The following ARID1A variants were observed in gnomAD, a reference collection of about 807,000 sequenced individuals.
ARID1A encodes AT-rich interaction domain 1A, also known as AT-rich interactive domain-containing protein 1A.
Under a neutral mutation model 212.6 loss-of-function variants are expected in ARID1A, and 20 were observed. The ratio of observed to expected loss-of-function variants is 0.09; its 90% CI spans 0.07 to 0.14. ARID1A has a LOEUF of 0.14. Ranked by LOEUF, ARID1A falls within the 10% of genes least tolerant of loss-of-function variation. The pLI is 1.00. For synonymous variants in ARID1A, 1,376 were observed against 1,222.1 expected (o/e 1.13, Z -2.63); for missense variants, 2,587 against 3,059.0 (o/e 0.85, Z 3.64).
chr1:26,698,059 T>C (rs2080295810), intron 1 of ARID1A, among the ~76,000 whole-genome samples: 1 of 152,192 alleles, frequency 6.6e-6, no homozygotes, highest in Non-Finnish European at 1.5e-5. Flanking sequence ...TGGGAGCTGC[T>C]AGAGGCCGGC....
chr1:26,735,182 A>T (rs1398260372), intron 4 of ARID1A, among the ~76,000 whole-genome samples: 5 of 150,820 alleles, frequency 3.3e-5, no homozygotes, highest in African/African-American at 1.2e-4. Flanking sequence ...CTGGAGTGCA[A>T]TGGCACGATC....
intron 8 of ARID1A, chr1:26,765,448 AC>A (rs2081030350): frequency 6.6e-6 from 1 of 151,958 alleles, no homozygotes. Flanking sequence ...AGATCGCGCC[AC>A]TGCTCTCCAG....
chr1:26,777,351 G>C (rs1441383027), intron 19 of ARID1A, among the ~76,000 whole-genome samples: 4 of 151,906 alleles, frequency 2.6e-5, no homozygotes, highest in Non-Finnish European at 4.4e-5. Flanking sequence ...TTCCCAAGTG[G>C]CTGGGACTAC....
At chr1:26,739,989 TAA>T (rs576941187) in intron 4 of ARID1A, among the ~76,000 whole-genome samples, 6 of 127,428 alleles carry the variant, frequency 4.7e-5, no homozygotes, top group Non-Finnish European at 5.1e-5. Context: ...GTGATCATCT[TAA>T]AAAAAAAAAA....
intron 6 of ARID1A, among the ~76,000 whole-genome samples, chr1:26,761,811 G>A (rs1478445343): frequency 6.6e-6 from 1 of 152,296 alleles, no homozygotes; most frequent in East Asian, 1.9e-4. Flanking sequence ...ACTTGTCTGT[G>A]TTTTGATGGT....
rs781033223 is a variant in ARID1A at position 26,780,355 on chromosome 1, C to A, written c.6457C>A (p.Arg2153Ser). Reference protein sequence around the residue: ...RLEKLYSTMVRFLSDRKNPVC... With the variant: ...RLEKLYSTMVSFLSDRKNPVC... ...GGAGAAGTTGTATAGCACTATGGTG[C>A]GCTTCCTCAGTGACCGAAAGAACCC... Residue 2153 changes from arginine to serine, a missense_variant, in exon 20 of 20, where the codon CGC becomes AGC. Arg to Ser is a moderately radical substitution (Grantham distance 110). Around this residue, in one of 11 missense-constraint regions of ARID1A, gnomAD observed 168 missense variants for 321.0 expected, o/e 0.52. Transcript: ENST00000324856. This position sits in a 1 kb window ranked among gnomAD's most constrained non-coding sequence, Gnocchi z 7.2. The A allele has an allele frequency of 8.1e-6, 13 of 1,614,240 alleles. No individual in the cohort carries two copies. In the East Asian group the frequency reaches 2.9e-4, roughly 36 times the overall value.
In ARID1A at chr1:26,780,830, AT is replaced by A; in HGVS notation, c.*77del. 2.7e-6 allele frequency: 4 copies of A among 1,494,416 alleles called. No homozygotes were observed. The highest frequency in any genetic ancestry group is 3.6e-6 in the Non-Finnish European group (4 of 1,122,858). 92.6% of individuals were successfully genotyped at this position (1,494,416 alleles called of 1,614,324 possible). On this transcript the variant is annotated 3_prime_UTR_variant, in exon 20 of 20. Transcript: ENST00000324856. The surrounding 1 kb of genome is among the most constrained non-coding windows in gnomAD (Gnocchi z 7.2). ...ACTTAGAAACTGACTGTTGCCCTTT[AT>A]TTATGCAAAACCACCTCAGAATCCA...
In ARID1A at chr1:26,696,370, G is replaced by A. The variant is rs2080252227; in HGVS notation, c.-34G>A. ...GAGGGGGGGAGAAGACGAAGACAGG[G>A]CCGGGTCTCTCCGCGGACGAGACAG... On this transcript the variant is annotated 5_prime_UTR_variant, in exon 1 of 20. Coordinates refer to ENST00000324856, the MANE Select transcript of ARID1A (RefSeq NM_006015.6). 3.2e-6 allele frequency: 4 copies of A among 1,236,834 alleles called. No homozygotes were observed. The highest frequency in any genetic ancestry group is 4.0e-6 in the Non-Finnish European group (4 of 988,982). The allele number at this position is 1,236,834 out of a possible 1,614,324, so 76.6% of individuals were successfully genotyped here.
At chr1:26,757,784 T>C (rs905484580) in intron 4 of ARID1A, among the ~76,000 whole-genome samples, 1 of 152,048 alleles carries the variant, frequency 6.6e-6, no homozygotes, top group South Asian at 2.1e-4. Context: ...TCTCCCTGCC[T>C]CAGCCTCCTG....
rs1454558348 is a variant in ARID1A, at chr1:26,763,030, C to T, written c.2477C>T (p.Ala826Val). ...TTGCCCAATGCCAACTACCCCAGTG[C>T]AGGCATGGCTGGAGGCATAAACCCC... ...NALPNANYPSAGMAGGINPMG... is the reference protein window; with the variant it reads ...NALPNANYPSVGMAGGINPMG... The change falls in exon 8 of 20, where the codon GCA becomes GTA. Residue 826 changes from alanine to valine, a missense_variant. By Grantham distance (64) the Ala-to-Val change is moderately conservative. Around this residue, in one of 11 missense-constraint regions of ARID1A, gnomAD observed 674 missense variants for 813.4 expected, o/e 0.83. Coordinates refer to ENST00000324856, the MANE Select transcript of ARID1A (RefSeq NM_006015.6). The T allele has an allele frequency of 6.2e-7, 1 of 1,613,156 alleles. No individual in the cohort carries two copies. Among genetic ancestry groups the T allele is most frequent in the South Asian group, 1.1e-5 (1 of 91,066 alleles).
Position 26,762,960 on chromosome 1 carries a change from C to T in ARID1A, c.2420-13C>T, listed in dbSNP as rs2124067362. ...TGAGTGACTAACCAAGTCTTGTCTT[C>T]CTCCCCTCCCAGGTGGCTACCCCAG... is the stretch of plus-strand genomic sequence containing the variant. On this transcript the variant is annotated splice_polypyrimidine_tract_variant and intron_variant, in intron 7 of 19. Coordinates refer to ENST00000324856, the MANE Select transcript of ARID1A (RefSeq NM_006015.6). The T allele has an allele frequency of 6.4e-7, 1 of 1,568,110 alleles. No individual in the cohort carries two copies. The highest frequency in any genetic ancestry group is 8.7e-7 in the Non-Finnish European group (1 of 1,149,042).
chr1:26,773,746 A>T (rs2081106696), intron 16 of ARID1A, 29 bp downstream of exon 16: 1 of 1,614,134 alleles, frequency 6.2e-7, no homozygotes, highest in Non-Finnish European at 8.5e-7. Context: ...CGGTGCTGCT[A>T]TGGATCAGGC....
At position 26,731,546 on chromosome 1, in the gene ARID1A, C is replaced by T. The variant is rs1371039706; in HGVS notation, c.1745C>T (p.Pro582Leu). 5.6e-6 allele frequency: 9 copies of T among 1,614,126 alleles called. No homozygotes were observed. Among genetic ancestry groups the T allele is most frequent in the Non-Finnish European group, 7.6e-6 (9 of 1,180,016 alleles). The change falls in exon 3 of 20, where the codon CCC becomes CTC. Residue 582 changes from proline (P) to leucine (L), a missense_variant. Transcript: ENST00000324856. Reference sequence around the variant, plus strand: ...TCCCAGCAGGCTGCGTATCCTCAGCCCCAGTCTCAGCAGTCCCAGCAAACT... The same window carrying T: ...TCCCAGCAGGCTGCGTATCCTCAGCTCCAGTCTCAGCAGTCCCAGCAAACT... The part of the protein sequence containing the change: ...TLSQQAAYPQ[P>L]QSQQSQQTAY...
At chr1:26,700,080 G>GC (rs1438041863) in intron 1 of ARID1A, among the ~76,000 whole-genome samples, 1 of 152,182 alleles carries the variant, frequency 6.6e-6, no homozygotes, top group African/African-American at 2.4e-5. Flanking sequence ...CAGGGAATGG[G>GC]CTGGTGAGCA....
At chr1:26,744,981 G>A (rs890256315) in intron 4 of ARID1A, among the ~76,000 whole-genome samples, 20 of 152,192 alleles carry the variant, frequency 1.3e-4, no homozygotes, top group African/African-American at 3.9e-4. Context: ...AATATGCTTC[G>A]TGAATAAATC....
intron 1 of ARID1A, among the ~76,000 whole-genome samples, chr1:26,721,914 A>C (rs1182499111): frequency 6.6e-6 from 1 of 152,154 alleles, no homozygotes; most frequent in Non-Finnish European, 1.5e-5. Flanking sequence ...GTTTTGCTAC[A>C]TGATTCAATG....
intron 4 of ARID1A, among the ~76,000 whole-genome samples, chr1:26,738,709 C>T (rs1041605092): frequency 6.6e-6 from 1 of 151,868 alleles, no homozygotes; most frequent in Non-Finnish European, 1.5e-5. Context: ...CAGGTGTGCG[C>T]CACCACTCCC....
Position 26,780,190 on chromosome 1 carries a change from G to A in ARID1A, c.6292G>A (p.Glu2098Lys), listed in dbSNP as rs2081178153. ...LLHWAVCPSAEAQDPFSTLGP... is the reference protein window; with the variant it reads ...LLHWAVCPSAKAQDPFSTLGP... ...ACACTGGGCAGTTTGCCCTTCAGCT[G>A]AAGCCCAGGACCCCTTTTCCACCCT... is the stretch of plus-strand genomic sequence containing the variant. The change falls in exon 20 of 20, where the codon GAA becomes AAA. Residue 2098 changes from glutamate to lysine, a missense_variant. Transcript: ENST00000324856. This position sits in a 1 kb window ranked among gnomAD's most constrained non-coding sequence, Gnocchi z 7.2. 1 of 1,614,150 alleles carries A rather than the reference G, an allele frequency of 6.2e-7. No individual in the cohort carries two copies. Among genetic ancestry groups the A allele is most frequent in the Non-Finnish European group, 8.5e-7 (1 of 1,180,022 alleles).
intron 1 of ARID1A, among the ~76,000 whole-genome samples, chr1:26,715,473 C>T (rs1300108150): frequency 6.6e-6 from 1 of 152,146 alleles, no homozygotes; most frequent in African/African-American, 2.4e-5. Flanking sequence ...GTAGAAGCAC[C>T]AGAGGATGGT....
Sources: gnomAD v4.1 joint callset for allele counts (sites outside exome capture counted in the v4.1 genomes callset) on GRCh38, gnomAD v4.1.1 for gene constraint, gnomAD v4.1.1 regional missense constraint, Gnocchi (gnomAD v3.1) non-coding constraint, MANE v1.5 for transcripts, NCBI Gene and HGNC (gene_info 2026-07-23, HGNC 2026-07-21) for gene names.